Variants in STRBP observed in about 807,000 individuals in gnomAD.
The protein encoded by STRBP is spermatid perinuclear RNA-binding protein.
In STRBP, 13 loss-of-function variants were observed where a neutral mutation model predicts 80.1. The ratio of observed to expected loss-of-function variants is 0.16; its 90% CI spans 0.11 to 0.26. The LOEUF is 0.26. Among genes scored for constraint, STRBP ranks in the 10% least tolerant of loss-of-function variants. The probability of loss-of-function intolerance (pLI) is 1.00; values close to 1 mark genes in which losing one functional copy is unlikely to be tolerated. For missense variants in STRBP, 485 were observed against 815.2 expected (o/e 0.59, Z 4.93); for synonymous variants, 284 against 291.2 (o/e 0.98, Z 0.25).
At chr9:123,193,504 C>T (rs1024897628) in intron 2 of STRBP, among the ~76,000 whole-genome samples, 1 of 152,164 alleles carries the variant, frequency 6.6e-6, no homozygotes, top group African/African-American at 2.4e-5. Context: ...GACTTTAGTG[C>T]TGTACTTAGC....
At chr9:123,265,496 G>C (rs1031205224) in intron 1 of STRBP, among the ~76,000 whole-genome samples, 6 of 152,134 alleles carry the variant, frequency 3.9e-5, no homozygotes, top group African/African-American at 1.4e-4. Flanking sequence ...TTATTTCTTA[G>C]CAAAATCTGA....
intron 3 of STRBP, chr9:123,111,116 A>AT (rs2035559179): frequency 6.0e-6 from 1 of 167,268 alleles, no homozygotes; most frequent in Non-Finnish European, 1.5e-5. Context: ...ACCAGCTGCC[A>AT]TCACTACCTT....
In STRBP at chr9:123,124,334, G is replaced by A. The variant is rs1020771647; in HGVS notation, c.*1263C>T. On this transcript the variant is annotated 3_prime_UTR_variant, in exon 19 of 19. Transcript: ENST00000348403. ...GGGTGAGTACCTTAATGAAACCATT[G>A]ACCTAGTAACATCATTGGCTTTCCA... 1.0e-5 allele frequency: 10 copies of A among 985,400 alleles called. No individual in the cohort carries two copies. Among genetic ancestry groups the A allele is most frequent in the Non-Finnish European group, 1.2e-5 (10 of 829,950 alleles). The allele number at this position is 985,400 out of a possible 1,614,324, so 61.0% of individuals were successfully genotyped here.
intron 5 of STRBP, among the ~76,000 whole-genome samples, chr9:123,171,402 A>G (rs2038003485): frequency 6.6e-6 from 1 of 152,174 alleles, no homozygotes; most frequent in Non-Finnish European, 1.5e-5. Context: ...TGCTCGGGAA[A>G]AAGATTTTTG....
chr9:123,128,088 G>T, intron 18 of STRBP, 126 bp downstream of exon 18: 1 of 1,185,564 alleles, frequency 8.4e-7, no homozygotes, highest in Non-Finnish European at 1.2e-6. Flanking sequence ...AGGAATTTAA[G>T]TTGGGTCACT....
chr9:123,178,135 ACTAT>A (rs1254483720), intron 4 of STRBP, among the ~76,000 whole-genome samples: 1 of 152,248 alleles, frequency 6.6e-6, no homozygotes. Context: ...AAAAAGTTAT[ACTAT>A]CTTTCAGTGA....
chr9:123,199,963 T>C (rs368820112), intron 2 of STRBP, among the ~76,000 whole-genome samples: 2 of 152,234 alleles, frequency 1.3e-5, no homozygotes, highest in African/African-American at 2.4e-5. Context: ...GGGGAAATGC[T>C]TTCAACTTTT....
chr9:123,253,745 A>G (rs2040963861), intron 1 of STRBP, among the ~76,000 whole-genome samples: 1 of 152,234 alleles, frequency 6.6e-6, no homozygotes, highest in Non-Finnish European at 1.5e-5. Flanking sequence ...TAATATCACT[A>G]TTAAATAGCA....
intron 1 of STRBP, among the ~76,000 whole-genome samples, chr9:123,249,971 T>A (rs1326381802): frequency 6.6e-6 from 1 of 152,222 alleles, no homozygotes; most frequent in Non-Finnish European, 1.5e-5. Context: ...TATTTTCCAA[T>A]GGCCAATGCA....
In STRBP at chr9:123,121,968, CACACACTT is replaced by C. The variant is rs2035748285; in HGVS notation, c.*3621_*3628del. On this transcript the variant is annotated 3_prime_UTR_variant, in exon 19 of 19. Coordinates refer to ENST00000348403, the MANE Select transcript of STRBP (RefSeq NM_018387.5). ...GTTTCTACACACACACACACACACA[CACACACTT>C]AGTGTAAGTGAAATGTCTGTCTTGA... is the stretch of plus-strand genomic sequence containing the variant. The C allele has an allele frequency of 5.6e-6, 1 of 177,380 alleles. No homozygotes were observed. The highest frequency in any genetic ancestry group is 5.9e-5 in the Admixed American group (1 of 16,896). 11.0% of individuals were successfully genotyped at this position (177,380 alleles called of 1,614,324 possible). A position where few individuals can be genotyped will look rare whatever the true frequency, so the allele number is the denominator to read the frequency against.
chr9:123,124,308 G>T lies in STRBP; in HGVS notation c.*1289C>A. On this transcript the variant is annotated 3_prime_UTR_variant, in exon 19 of 19. Coordinates refer to ENST00000348403, the MANE Select transcript of STRBP (RefSeq NM_018387.5). Reference sequence around the variant, plus strand: ...GGGACCACACTGCTGCTCCTTCATGGGGGTGAGTACCTTAATGAAACCATT... The same window carrying T: ...GGGACCACACTGCTGCTCCTTCATGTGGGTGAGTACCTTAATGAAACCATT... The T allele has an allele frequency of 1.0e-6, 1 of 985,356 alleles. No individual in the cohort carries two copies. The highest frequency in any genetic ancestry group is 1.2e-6 in the Non-Finnish European group (1 of 829,928). 61.0% of individuals were successfully genotyped at this position (985,356 alleles called of 1,614,324 possible).
chr9:123,163,440 G>A (rs1198922840), intron 6 of STRBP, among the ~76,000 whole-genome samples: 1 of 152,110 alleles, frequency 6.6e-6, no homozygotes, highest in African/African-American at 2.4e-5. Flanking sequence ...GAGATGAAAG[G>A]GACAGGCACT....
chr9:123,147,091 A>T lies in STRBP; in HGVS notation c.1139-37T>A, dbSNP rs200603045. ...AGAGGAATGAGGTCAGAAATTAACT[A>T]GAAAGTAATTTTGCTTTATGCGTTT... On this transcript the variant is annotated intron_variant, in intron 12 of 18. Transcript: ENST00000348403. 52 of 1,573,718 alleles carry T rather than the reference A, an allele frequency of 3.3e-5. No homozygotes were observed. In the East Asian group the frequency reaches 1.1e-3, roughly 32 times the overall value.
At position 123,184,353 on chromosome 9, in the gene STRBP, A is replaced by G. The variant is rs546867299; in HGVS notation, c.-164-55T>C. The stretch of plus-strand genomic sequence containing the variant: ...AATGCTTATTTACTATTAGCTTCCA[A>G]TATGAGTGTGCAACCCATAAACATG... On this transcript the variant is annotated intron_variant, in intron 2 of 18. Transcript: ENST00000348403. 7.1e-6 allele frequency: 3 copies of G among 423,346 alleles called. No individual in the cohort carries two copies. In the East Asian group the frequency reaches 1.1e-4, roughly 15 times the overall value. 26.2% of individuals were successfully genotyped at this position (423,346 alleles called of 1,614,324 possible).
chr9:123,189,555 G>A (rs2038843609), intron 2 of STRBP, among the ~76,000 whole-genome samples: 1 of 151,904 alleles, frequency 6.6e-6, no homozygotes, highest in African/African-American at 2.4e-5. Context: ...TAGGAATATG[G>A]ATGAAGCTGG....
Position 123,115,096 on chromosome 9 carries a change from C to A in STRBP, c.*84+833G>T. 2.4e-6 allele frequency: 1 copy of A among 418,408 alleles called. No individual in the cohort carries two copies. Among genetic ancestry groups the A allele is most frequent in the Non-Finnish European group, 5.0e-6 (1 of 199,374 alleles). 25.9% of individuals were successfully genotyped at this position (418,408 alleles called of 1,614,324 possible). The stretch of plus-strand genomic sequence containing the variant: ...TCATTGAAGGACACACCACCCAGGG[C>A]CTTTTAAGAAGTGACTGCAGACTGT... On this transcript the variant is annotated intron_variant and NMD_transcript_variant, in intron 3 of 3. Transcript: ENST00000471564. This position sits in a 1 kb window ranked among gnomAD's most constrained non-coding sequence, Gnocchi z 5.0.
At chr9:123,247,427 C>T (rs1185575714) in intron 1 of STRBP, among the ~76,000 whole-genome samples, 1 of 152,202 alleles carries the variant, frequency 6.6e-6, no homozygotes, top group African/African-American at 2.4e-5. Context: ...GCCACCCCAT[C>T]TGGCTAATTT....
At chr9:123,263,822 A>G (rs2041210232) in intron 1 of STRBP, among the ~76,000 whole-genome samples, 1 of 152,238 alleles carries the variant, frequency 6.6e-6, no homozygotes, top group African/African-American at 2.4e-5. Context: ...CCAGTCACTC[A>G]GTCAGTAATC....
At chr9:123,141,467 T>A (rs1039487172) in intron 13 of STRBP, among the ~76,000 whole-genome samples, 17 of 152,214 alleles carry the variant, frequency 1.1e-4, no homozygotes, top group South Asian at 6.2e-4. Flanking sequence ...CCTTCTCCAC[T>A]GTCTGAGTCC....
Sources: allele counts gnomAD v4.1 joint callset (sites outside exome capture counted in the v4.1 genomes callset), GRCh38; gene constraint gnomAD v4.1.1; non-coding constraint Gnocchi (gnomAD v3.1); transcripts MANE v1.5; gene names NCBI Gene and HGNC (gene_info 2026-07-23, HGNC 2026-07-21).